The following MYO16 variants were observed in gnomAD, a reference collection of about 807,000 sequenced individuals.
MYO16 encodes myosin XVI.
MYO16 carries 94 observed loss-of-function variants against 205.3 expected under a neutral mutation model. The observed-to-expected ratio is 0.46, with a 90% CI of 0.39 to 0.54. The LOEUF is 0.54. Among genes scored for constraint, MYO16 ranks in the 20% least tolerant of loss-of-function variants. The probability of loss-of-function intolerance (pLI) is 0.00; values close to 1 mark genes in which losing one functional copy is unlikely to be tolerated. For synonymous variants in MYO16, 988 were observed against 954.0 expected (o/e 1.04, Z -0.66); for missense variants, 2,315 against 2,387.5 (o/e 0.97, Z 0.63).
At chr13:108,826,134 A>ATTTT (rs1876251412) in intron 9 of MYO16, among the ~76,000 whole-genome samples, 1 of 152,166 alleles carries the variant, frequency 6.6e-6, no homozygotes, top group Non-Finnish European at 1.5e-5. Context: ...ATGTGAAAAA[A>ATTTT]GAACAAAGTT....
upstream of MYO16, among the ~76,000 whole-genome samples, chr13:108,627,791 A>G (rs1879802142): frequency 6.6e-6 from 1 of 152,194 alleles, no homozygotes. Flanking sequence ...AGTGAATGGT[A>G]TCATTAAACT....
intron 23 of MYO16, among the ~76,000 whole-genome samples, chr13:109,040,383 C>CAGAGAGAGAG (rs1482536301): frequency 2.9e-5 from 2 of 70,012 alleles, no homozygotes; most frequent in African/African-American, 5.2e-5. Flanking sequence ...CACACACACA[C>CAGAGAGAGAG]ACAGAGAGAG....
chr13:108,855,286 TTTTTC>T, intron 10 of MYO16, 152 bp from the exon 11 acceptor site: 2 of 408,190 alleles, frequency 4.9e-6, no homozygotes, highest in Non-Finnish European at 8.8e-6. Flanking sequence ...GTTTTTTTTT[TTTTTC>T]TTTTTCATTG....
chr13:108,759,829 A>G (rs958056206), intron 4 of MYO16, among the ~76,000 whole-genome samples: 1 of 152,208 alleles, frequency 6.6e-6, no homozygotes, highest in Non-Finnish European at 1.5e-5. Flanking sequence ...CAAAAAAAAA[A>G]AAAAAAAATC....
chr13:108,858,145 G>A (rs1316832357), intron 11 of MYO16, among the ~76,000 whole-genome samples: 1 of 152,142 alleles, frequency 6.6e-6, no homozygotes, highest in African/African-American at 2.4e-5. Context: ...TATGACCAGT[G>A]TGTAGTGAAA....
intron 4 of MYO16, among the ~76,000 whole-genome samples, chr13:108,740,530 T>C (rs530944432): frequency 6.6e-5 from 10 of 152,258 alleles, no homozygotes; most frequent in Non-Finnish European, 1.5e-4. Flanking sequence ...CCTTGTGAGA[T>C]GTCAGTCTGC....
intron 2 of MYO16, among the ~76,000 whole-genome samples, chr13:108,689,787 C>G (rs945175302): frequency 3.3e-5 from 5 of 151,832 alleles, no homozygotes; most frequent in African/African-American, 1.2e-4. Flanking sequence ...TAAACTCCAC[C>G]ACAGCCTACA....
intron 12 of MYO16, among the ~76,000 whole-genome samples, 157 bp from the exon 13 acceptor site, chr13:108,882,902 G>T (rs2139166523): frequency 6.6e-6 from 1 of 152,332 alleles, no homozygotes; most frequent in South Asian, 2.1e-4. Context: ...GTGCTGAGAA[G>T]GGTGTAATTT....
At chr13:109,049,546 T>A (rs1371671073) in intron 24 of MYO16, among the ~76,000 whole-genome samples, 1 of 150,694 alleles carries the variant, frequency 6.6e-6, no homozygotes, top group African/African-American at 2.4e-5. Context: ...TTATGTCTCA[T>A]GTTTTCAGTT....
chr13:108,528,549 CT>C, the MYO16 span, among the ~76,000 whole-genome samples: 1 of 126,524 alleles, frequency 7.9e-6, no homozygotes, highest in African/African-American at 4.2e-5. Context: ...TATTTTGTCT[CT>C]CCTCTCCTCT....
the MYO16 span, among the ~76,000 whole-genome samples, chr13:108,589,753 A>G: frequency 6.6e-6 from 1 of 152,144 alleles, no homozygotes; most frequent in Admixed American, 6.5e-5. Flanking sequence ...TTGAAAATTT[A>G]GAGACCATTA....
chr13:108,788,141 G>T (rs758129526), intron 5 of MYO16, among the ~76,000 whole-genome samples: 5 of 151,998 alleles, frequency 3.3e-5, no homozygotes, highest in Non-Finnish European at 5.9e-5. Context: ...GTGCAGTTTC[G>T]CATCCGAGTA....
At chr13:109,068,513 A>T (rs565255496) in intron 27 of MYO16, among the ~76,000 whole-genome samples, 4 of 112,830 alleles carry the variant, frequency 3.5e-5, no homozygotes, top group African/African-American at 1.2e-4. Flanking sequence ...AGTCTTTAAG[A>T]ATATTCTTTC....
intron 20 of MYO16, among the ~76,000 whole-genome samples, chr13:108,965,617 G>A (rs1294922062): frequency 6.6e-6 from 1 of 152,064 alleles, no homozygotes; most frequent in Non-Finnish European, 1.5e-5. Flanking sequence ...TGTTGGTCAG[G>A]CTGGTCTTGA....
At chr13:108,554,301 C>T in the MYO16 span, among the ~76,000 whole-genome samples, 1 of 151,860 alleles carries the variant, frequency 6.6e-6, no homozygotes, top group Non-Finnish European at 1.5e-5. Context: ...TTATCATCAA[C>T]AAAAAACAGA....
intron 1 of MYO16, among the ~76,000 whole-genome samples, chr13:108,641,838 CA>C (rs2139379793): frequency 6.6e-6 from 1 of 152,284 alleles, no homozygotes; most frequent in South Asian, 2.1e-4. Flanking sequence ...GATGTACCCA[CA>C]AAATCAGTTC....
At chr13:108,995,405 C>G (rs1884969271) in intron 21 of MYO16, among the ~76,000 whole-genome samples, 1 of 152,136 alleles carries the variant, frequency 6.6e-6, no homozygotes, top group Admixed American at 6.6e-5. Flanking sequence ...CAGACCATAG[C>G]AGAATTAACG....
chr13:108,586,388 T>C, the MYO16 span, among the ~76,000 whole-genome samples: 1 of 152,310 alleles, frequency 6.6e-6, no homozygotes, highest in African/African-American at 2.4e-5. Flanking sequence ...ATCTTTATAC[T>C]ATATTAAATT....
chr13:109,118,038 G>A (rs1017773234), intron 28 of MYO16, among the ~76,000 whole-genome samples: 8 of 152,014 alleles, frequency 5.3e-5, no homozygotes, highest in Non-Finnish European at 1.2e-4. Flanking sequence ...TCTGGTTCTT[G>A]CCTTTCACAT....
Sources: allele counts gnomAD v4.1 joint callset (sites outside exome capture counted in the v4.1 genomes callset), GRCh38; gene constraint gnomAD v4.1.1; transcripts MANE v1.5; gene names NCBI Gene and HGNC (gene_info 2026-07-23, HGNC 2026-07-21).